ZNF236: variants seen among roughly 807,000 people sequenced by gnomAD.
ZNF236 encodes the protein zinc finger protein 236, also known as regulated by glucose.
In ZNF236, 50 loss-of-function variants were observed where a neutral mutation model predicts 191.2. The observed-to-expected ratio is 0.26, with a 90% CI of 0.21 to 0.33. The LOEUF is 0.33. ZNF236 is among the 10% of genes least tolerant of loss of function. ZNF236 has a pLI of 1.00. For missense variants in ZNF236, 1,754 were observed against 2,374.5 expected (o/e 0.74, Z 5.43); for synonymous variants, 907 against 928.8 (o/e 0.98, Z 0.43).
chr18:76,909,972 A>AT, intron 14 of ZNF236, 96 bp from the exon 15 acceptor site: 1 of 832,648 alleles, frequency 1.2e-6, no homozygotes, highest in Non-Finnish European at 2.0e-6. Flanking sequence ...GGTGTCTGAT[A>AT]TTTGAAAACT....
chr18:76,885,588 C>A, intron 9 of ZNF236: 1 of 182,294 alleles, frequency 5.5e-6, no homozygotes, highest in Admixed American at 5.1e-5. Flanking sequence ...CAGCAGCAGA[C>A]TGGTTGTTTT....
intron 13 of ZNF236, among the ~76,000 whole-genome samples, chr18:76,906,360 A>G (rs1439167421): frequency 1.3e-5 from 2 of 152,066 alleles, no homozygotes; most frequent in Non-Finnish European, 2.9e-5. Flanking sequence ...ATATCCACTT[A>G]CACTTCACTG....
intron 26 of ZNF236, among the ~76,000 whole-genome samples, chr18:76,944,149 T>C (rs747946919): frequency 4.6e-5 from 7 of 152,178 alleles, no homozygotes; most frequent in Non-Finnish European, 1.0e-4. Context: ...CTGGCGTCTG[T>C]GCTGTTCATT....
intron 30 of ZNF236, among the ~76,000 whole-genome samples, chr18:76,967,493 A>C (rs1460666422): frequency 6.1e-5 from 3 of 49,092 alleles, no homozygotes; most frequent in African/African-American, 8.8e-5. Context: ...TGGTGATGTG[A>C]TCTGTGAGAT....
At chr18:76,938,260 C>T (rs1968048719) in intron 26 of ZNF236, among the ~76,000 whole-genome samples, 1 of 152,064 alleles carries the variant, frequency 6.6e-6, no homozygotes, top group African/African-American at 2.4e-5. Context: ...CGTGGCAGTA[C>T]ACACCTGTAG....
intron 27 of ZNF236, among the ~76,000 whole-genome samples, chr18:76,948,326 G>A (rs1247916857): frequency 6.6e-6 from 1 of 152,126 alleles, no homozygotes; most frequent in Non-Finnish European, 1.5e-5. Context: ...TAGAACAAGG[G>A]CTTTTTCACA....
Position 76,927,019 on chromosome 18 carries a change from T to A in ZNF236, c.4028-18T>A. 1 of 1,589,196 alleles carries A rather than the reference T, an allele frequency of 6.3e-7. No individual in the cohort carries two copies. The highest frequency in any genetic ancestry group is 8.6e-7 in the Non-Finnish European group (1 of 1,165,288). On this transcript the variant is annotated intron_variant, in intron 22 of 30. Transcript: ENST00000320610. The surrounding 1 kb of genome is among the most constrained non-coding windows in gnomAD (Gnocchi z 5.4). The stretch of plus-strand genomic sequence containing the variant: ...CATTCATAATATTTGATCATTCTCT[T>A]TCTCTTTCTCTGGCCAGCTGGGGGT...
In ZNF236 at chr18:76,866,789, A is replaced by G. The variant is rs150910962; in HGVS notation, c.364-1896A>G. ...ATACATGGGGTGTTGTTCTTCTTAC[A>G]GAAGAACACTTCCTCAAGTGTTGCC... On this transcript the variant is annotated intron_variant, in intron 3 of 30. Transcript: ENST00000320610. Among the ~76,000 whole-genome samples the G allele has an allele frequency of 7.3e-4, 111 of 152,268 alleles. 1 individual carries two copies. The East Asian group carries it at 0.021, about 28-fold the overall frequency.
chr18:76,822,775 G>GGGCCGCGCAGACCCGGGCCGCC (rs1555682750), intron 1 of ZNF236, 113 bp downstream of exon 1: 16 of 145,210 alleles, frequency 1.1e-4, no homozygotes, highest in African/African-American at 3.4e-4. Context: ...GCGGGGGCGG[G>GGGCCGCGCAGACCCGGGCCGCC]GGCCGCGCAG....
At chr18:76,844,599 T>TTTTA (rs1383385565) in intron 1 of ZNF236, among the ~76,000 whole-genome samples, 1 of 152,236 alleles carries the variant, frequency 6.6e-6, no homozygotes, top group African/African-American at 2.4e-5. Flanking sequence ...ATATCTCTCA[T>TTTTA]TTTAATATGA....
chr18:76,938,820 A>G (rs1968063098), intron 26 of ZNF236, among the ~76,000 whole-genome samples: 2 of 152,118 alleles, frequency 1.3e-5, no homozygotes, highest in South Asian at 4.1e-4. Context: ...TCGTGCCCCC[A>G]GGGACCTGTC....
At chr18:76,926,360 C>A (rs557063536) in intron 22 of ZNF236, among the ~76,000 whole-genome samples, 1 of 151,300 alleles carries the variant, frequency 6.6e-6, no homozygotes, top group African/African-American at 2.4e-5. Flanking sequence ...ACAGTGTATG[C>A]GTATGGCATA....
chr18:76,908,931 A>G (rs190433252), intron 14 of ZNF236, among the ~76,000 whole-genome samples: 2 of 151,386 alleles, frequency 1.3e-5, no homozygotes, highest in East Asian at 3.9e-4. Context: ...TTTTCCATAC[A>G]AATATGCAGG....
At chr18:76,918,596 A>G (rs1967442963) in intron 19 of ZNF236, among the ~76,000 whole-genome samples, 1 of 152,168 alleles carries the variant, frequency 6.6e-6, no homozygotes, top group African/African-American at 2.4e-5. Context: ...CTGATTTAAA[A>G]AAATTTTTTT....
intron 13 of ZNF236, among the ~76,000 whole-genome samples, chr18:76,906,865 C>T (rs1422736658): frequency 1.3e-5 from 2 of 152,156 alleles, no homozygotes; most frequent in Non-Finnish European, 2.9e-5. Flanking sequence ...GAGCATCCAG[C>T]CAGGGTTTCA....
At chr18:76,963,900 T>C (rs1287223665) in intron 30 of ZNF236, among the ~76,000 whole-genome samples, 1 of 152,192 alleles carries the variant, frequency 6.6e-6, no homozygotes, top group Non-Finnish European at 1.5e-5. Context: ...TTTATATTTC[T>C]GTGGTGTCAG....
chr18:76,863,639 G>T (rs1274566325), intron 3 of ZNF236, among the ~76,000 whole-genome samples: 1 of 151,456 alleles, frequency 6.6e-6, no homozygotes, highest in East Asian at 1.9e-4. Context: ...TGTTGCCCAG[G>T]CTGGTCTCGA....
chr18:76,963,750 T>C (rs1166356388), intron 30 of ZNF236, among the ~76,000 whole-genome samples: 1 of 152,220 alleles, frequency 6.6e-6, no homozygotes, highest in Non-Finnish European at 1.5e-5. Context: ...TCAATCTTGC[T>C]GCTTGTTATT....
intron 1 of ZNF236, among the ~76,000 whole-genome samples, chr18:76,847,529 G>A (rs1208759140): frequency 6.6e-6 from 1 of 151,700 alleles, no homozygotes; most frequent in Non-Finnish European, 1.5e-5. Context: ...GCAGTGGCGC[G>A]ATCTCAGCTC....
Sources: gnomAD v4.1 joint callset for allele counts (sites outside exome capture counted in the v4.1 genomes callset) on GRCh38, gnomAD v4.1.1 for gene constraint, Gnocchi (gnomAD v3.1) non-coding constraint, MANE v1.5 for transcripts, NCBI Gene and HGNC (gene_info 2026-07-23, HGNC 2026-07-21) for gene names.